Variants in RBFOX1 observed in about 807,000 individuals in gnomAD.
The protein encoded by RBFOX1 is RNA binding protein fox-1 homolog 1.
RBFOX1 carries 8 observed loss-of-function variants against 57.7 expected under a neutral mutation model. The observed-to-expected ratio is 0.14, with a 90% CI of 0.08 to 0.25. RBFOX1 has a LOEUF of 0.25. RBFOX1 is among the 10% of genes least tolerant of loss of function. The probability of loss-of-function intolerance (pLI) is 1.00; values close to 1 mark genes in which losing one functional copy is unlikely to be tolerated. For synonymous variants in RBFOX1, 326 were observed against 222.4 expected, an observed-to-expected ratio of 1.47 and a Z score of -4.15; for missense variants, 611 against 548.5, an observed-to-expected ratio of 1.11 and a Z score of -1.14.
rs1226498479 is a variant in RBFOX1, at chr16:6,637,528, T to C, written c.-63-17075T>C. ...ATTCTATATAGTATATATAATATTC[T>C]GTATAGTATATACAATCTGCATAGT... On this transcript the variant is annotated intron_variant, in intron 2 of 15. Transcript: ENST00000550418. Among the ~76,000 whole-genome samples the C allele has an allele frequency of 3.8e-4, 14 of 36,884 alleles. 1 individual carries two copies. The highest frequency in any genetic ancestry group is 1.0e-3 in the African/African-American group (14 of 13,926). The allele number at this position is 36,884 out of a possible 152,430, so 24.2% of individuals were successfully genotyped here.
intron 4 of RBFOX1, among the ~76,000 whole-genome samples, chr16:7,222,422 A>G (rs996524380): frequency 1.3e-5 from 2 of 152,346 alleles, no homozygotes; most frequent in South Asian, 4.1e-4. Flanking sequence ...CTGAACTGTT[A>G]GGGCATGTGG....
At chr16:6,960,743 G>A (rs989723469) in intron 3 of RBFOX1, among the ~76,000 whole-genome samples, 14 of 151,978 alleles carry the variant, frequency 9.2e-5, no homozygotes, top group Admixed American at 4.6e-4. Flanking sequence ...CTGCAAGAGG[G>A]TACAGAACTC....
At chr16:5,454,910 CTTTCCTTTG>C (rs1567535305) in intron 1 of RBFOX1, among the ~76,000 whole-genome samples, 16 of 63,560 alleles carry the variant, frequency 2.5e-4, no homozygotes, top group Non-Finnish European at 3.8e-4. Context: ...TTCTTTCTTT[CTTTCCTTTG>C]TTTCTTTCTT....
chr16:5,901,519 C>T (rs1007562503), intron 4 of RBFOX1, among the ~76,000 whole-genome samples: 1 of 152,104 alleles, frequency 6.6e-6, no homozygotes, highest in Non-Finnish European at 1.5e-5. Flanking sequence ...ATATGGTAGC[C>T]ACTCAATGCA....
chr16:6,245,329 T>C (rs1372645049), intron 1 of RBFOX1, among the ~76,000 whole-genome samples: 1 of 152,154 alleles, frequency 6.6e-6, no homozygotes, highest in Non-Finnish European at 1.5e-5. Context: ...GCCAAATACG[T>C]TTTCCTTGAG....
At chr16:6,863,969 C>A (rs1036926658) in intron 3 of RBFOX1, among the ~76,000 whole-genome samples, 1 of 147,434 alleles carries the variant, frequency 6.8e-6, no homozygotes, top group Non-Finnish European at 1.5e-5. Context: ...ATCCTCACAA[C>A]TTCTTCTGTC....
At chr16:5,746,917 T>A (rs2053006661) in intron 3 of RBFOX1, among the ~76,000 whole-genome samples, 1 of 152,236 alleles carries the variant, frequency 6.6e-6, no homozygotes, top group Admixed American at 6.5e-5. Flanking sequence ...TTTTCCTAAT[T>A]GAATACCCTT....
intron 4 of RBFOX1, among the ~76,000 whole-genome samples, chr16:7,496,561 C>T (rs2068702080): frequency 1.3e-5 from 2 of 152,074 alleles, no homozygotes; most frequent in African/African-American, 4.8e-5. Context: ...TCATCATCAT[C>T]ATCATCATTA....
intron 11 of RBFOX1, among the ~76,000 whole-genome samples, chr16:7,642,306 G>C (rs543506239): frequency 1.8e-4 from 28 of 152,176 alleles, no homozygotes; most frequent in Non-Finnish European, 3.5e-4. Context: ...ATTGATCAAA[G>C]GATCAGGACT....
intron 2 of RBFOX1, among the ~76,000 whole-genome samples, chr16:6,337,193 T>C (rs2152819010): frequency 6.6e-6 from 1 of 152,292 alleles, no homozygotes; most frequent in South Asian, 2.1e-4. Flanking sequence ...GGCATGTTGA[T>C]TCCCCTTTTC....
intron 1 of RBFOX1, among the ~76,000 whole-genome samples, chr16:5,460,989 G>A (rs779067425): frequency 2.6e-5 from 4 of 152,106 alleles, no homozygotes; most frequent in Non-Finnish European, 5.9e-5. Context: ...CTCATGAAAC[G>A]GATGACAAGG....
chr16:7,628,208 C>T (rs1207658234), intron 10 of RBFOX1, among the ~76,000 whole-genome samples: 2 of 152,110 alleles, frequency 1.3e-5, no homozygotes, highest in African/African-American at 2.4e-5. Flanking sequence ...AACTTCATAG[C>T]TGATTTTAAG....
In RBFOX1 at chr16:7,487,537, T is replaced by C. The variant is rs1360302481; in HGVS notation, c.28-30610T>C. Among the ~76,000 whole-genome samples the C allele has an allele frequency of 2.5e-4, 38 of 152,184 alleles. 2 individuals carry two copies. The highest frequency in any genetic ancestry group is 2.4e-3 in the Admixed American group (37 of 15,280). On this transcript the variant is annotated intron_variant, in intron 4 of 15. Transcript: ENST00000550418. ...ATGAATGGATGAACATTCCTTAAAG[T>C]GGGAATGTCTTTCCATGTTTCAGAA...
intron 3 of RBFOX1, among the ~76,000 whole-genome samples, chr16:5,827,924 TCCACCCACCCATCCACCCAC>T (rs1461181496): frequency 2.6e-5 from 3 of 113,556 alleles, no homozygotes; most frequent in East Asian, 2.8e-4. Flanking sequence ...CATCCACCCA[TCCACCCACCCATCCACCCAC>T]CCACCCACCC....
At chr16:7,089,376 T>G (rs2151075648) in intron 4 of RBFOX1, among the ~76,000 whole-genome samples, 1 of 152,060 alleles carries the variant, frequency 6.6e-6, no homozygotes, top group South Asian at 2.1e-4. Flanking sequence ...ATTAAAATTT[T>G]GAATGTTTAC....
At chr16:5,644,894 G>T (rs2048996741) in intron 3 of RBFOX1, among the ~76,000 whole-genome samples, 1 of 151,994 alleles carries the variant, frequency 6.6e-6, no homozygotes, top group Non-Finnish European at 1.5e-5. Flanking sequence ...TAATTATTTG[G>T]GGTATATACC....
In RBFOX1 at chr16:5,326,542, A is replaced by T. The variant is rs112863822; in HGVS notation, c.219+86437A>T. On this transcript the variant is annotated intron_variant, in intron 1 of 2. Coordinates refer to the RBFOX1 transcript ENST00000585867. ...ACCAGAGTGTGTGTGCCCTGGTACG[A>T]TGCACTCCCTGCCCATTCTAGACTT... 9.1e-3 allele frequency among the ~76,000 whole-genome samples: 1,382 copies of T among 152,228 alleles called. 15 individuals carry two copies. Among genetic ancestry groups the T allele is most frequent in the Non-Finnish European group, 0.013 (917 of 68,016 alleles).
intron 4 of RBFOX1, among the ~76,000 whole-genome samples, chr16:7,474,345 C>G (rs564025435): frequency 6.6e-6 from 1 of 152,136 alleles, no homozygotes; most frequent in Non-Finnish European, 1.5e-5. Context: ...AGCTGTTATG[C>G]TGCTGAGTAA....
intron 1 of RBFOX1, among the ~76,000 whole-genome samples, chr16:6,070,251 C>G (rs2095819562): frequency 2.0e-5 from 3 of 152,128 alleles, no homozygotes; most frequent in Admixed American, 2.0e-4. Context: ...GTGGCTCCCC[C>G]AAAGTATCTA....
Sources: gnomAD v4.1 joint callset for allele counts (sites outside exome capture counted in the v4.1 genomes callset) on GRCh38, gnomAD v4.1.1 for gene constraint, MANE v1.5 for transcripts, NCBI Gene and HGNC (gene_info 2026-07-23, HGNC 2026-07-21) for gene names.